Variants in PARD3B observed in about 807,000 individuals in gnomAD.
The protein encoded by PARD3B is par-3 family cell polarity regulator beta.
PARD3B carries 103 observed loss-of-function variants against 130.2 expected under a neutral mutation model. That is an observed-to-expected ratio of 0.79 (90% CI 0.67 to 0.93). The LOEUF (loss-of-function observed/expected upper bound fraction) is 0.93. Ranked by LOEUF, PARD3B falls within the 40% of genes least tolerant of loss-of-function variation. PARD3B has a pLI of 0.00. For synonymous variants in PARD3B, 583 were observed against 553.2 expected (o/e 1.05, Z -0.76); for missense variants, 1,609 against 1,499.2 (o/e 1.07, Z -1.21).
chr2:204,627,340 A>G (rs973163324), intron 1 of PARD3B, among the ~76,000 whole-genome samples: 3 of 152,208 alleles, frequency 2.0e-5, no homozygotes, highest in African/African-American at 2.4e-5. Context: ...TGTTTGGCAT[A>G]CAAGTCAGTT....
chr2:205,179,190 AAT>A (rs1347896651), intron 13 of PARD3B, among the ~76,000 whole-genome samples: 10 of 151,974 alleles, frequency 6.6e-5, no homozygotes, highest in Non-Finnish European at 7.3e-5. Context: ...ATAAAGAAAA[AAT>A]ATGTTTCTAC....
chr2:205,155,892 T>C (rs1011019584), intron 10 of PARD3B, among the ~76,000 whole-genome samples: 2 of 152,152 alleles, frequency 1.3e-5, no homozygotes, highest in Non-Finnish European at 2.9e-5. Context: ...TTTGATGGGG[T>C]TGTTTGTTTT....
In PARD3B at chr2:205,265,565, T is replaced by G. The variant is rs758137612; in HGVS notation, c.2185+19743T>G. On this transcript the variant is annotated intron_variant, in intron 16 of 22. Coordinates refer to ENST00000406610, the MANE Select transcript of PARD3B (RefSeq NM_001302769.2). The surrounding 1 kb of genome is among the most constrained non-coding windows in gnomAD (Gnocchi z 4.3). ...GAAAAAGTAGAAATTGCTGCTGATA[T>G]ACCGAGACTTCACCGAAGAGATGTT... 2.6e-5 allele frequency among the ~76,000 whole-genome samples: 4 copies of G among 152,050 alleles called. No individual in the cohort carries two copies. Among genetic ancestry groups the G allele is most frequent in the Non-Finnish European group, 4.4e-5 (3 of 67,938 alleles).
At chr2:205,496,292 A>G (rs189974722) in intron 20 of PARD3B, among the ~76,000 whole-genome samples, 2 of 152,280 alleles carry the variant, frequency 1.3e-5, no homozygotes, top group Admixed American at 1.3e-4. Context: ...TGCTGAGAAG[A>G]GCTACAAATC....
At chr2:205,415,784 G>T (rs1204320683) in intron 19 of PARD3B, among the ~76,000 whole-genome samples, 2 of 151,972 alleles carry the variant, frequency 1.3e-5, no homozygotes, top group Non-Finnish European at 2.9e-5. Context: ...AACCAACATG[G>T]GAATTTAAGT....
chr2:204,792,648 C>A (rs2042237492), intron 2 of PARD3B, among the ~76,000 whole-genome samples: 1 of 152,056 alleles, frequency 6.6e-6, no homozygotes, highest in African/African-American at 2.4e-5. Flanking sequence ...TTCAACACTA[C>A]CACCAACACC....
chr2:205,014,910 C>A lies in PARD3B; in HGVS notation c.395-32671C>A, dbSNP rs866822882. On this transcript the variant is annotated intron_variant, in intron 3 of 22. Transcript: ENST00000406610. Reference sequence around the variant, plus strand: ...TGTCATAGGCCTGTACTGTAGGCTGCAAAGATCAACTTCTCCATGTCTCAT... The same window carrying A: ...TGTCATAGGCCTGTACTGTAGGCTGAAAAGATCAACTTCTCCATGTCTCAT... Among the ~76,000 whole-genome samples the A allele has an allele frequency of 2.6e-5, 4 of 152,276 alleles. No homozygotes were observed. In the Middle Eastern group the frequency reaches 0.014, roughly 518 times the overall value.
chr2:204,930,840 A>C (rs1687975887), intron 2 of PARD3B, among the ~76,000 whole-genome samples: 1 of 152,066 alleles, frequency 6.6e-6, no homozygotes, highest in Non-Finnish European at 1.5e-5. Context: ...CCTCTCTTAG[A>C]TCAATAGCTT....
rs192971655 is a variant in PARD3B at position 204,773,448 on chromosome 2, A to G, written c.222+87166A>G. 2.7e-4 allele frequency among the ~76,000 whole-genome samples: 41 copies of G among 152,256 alleles called. 1 individual carries two copies. In the East Asian group the frequency reaches 3.9e-3, roughly 14 times the overall value. On this transcript the variant is annotated intron_variant, in intron 2 of 22. Transcript: ENST00000406610. ...ACACATGTTGTTTTATATAAATCATACAAAATACAATCATTTTCCATTTGT... is the reference window on the plus strand; with the variant it reads ...ACACATGTTGTTTTATATAAATCATGCAAAATACAATCATTTTCCATTTGT...
intron 18 of PARD3B, among the ~76,000 whole-genome samples, chr2:205,372,777 C>T (rs971674388): frequency 2.0e-5 from 3 of 152,052 alleles, no homozygotes; most frequent in African/African-American, 4.8e-5. Context: ...TCCAGTAGTT[C>T]GAGAGCAGCC....
At chr2:204,621,844 G>T (rs1160338278) in intron 1 of PARD3B, among the ~76,000 whole-genome samples, 2 of 152,164 alleles carry the variant, frequency 1.3e-5, no homozygotes, top group Non-Finnish European at 2.9e-5. Context: ...AGATCTTGTG[G>T]TGTTAAGGTG....
intron 2 of PARD3B, among the ~76,000 whole-genome samples, chr2:204,934,991 A>T (rs977103596): frequency 8.5e-5 from 13 of 152,178 alleles, no homozygotes; most frequent in African/African-American, 3.1e-4. Context: ...AGATCTTATT[A>T]TTTCTGCCCT....
At chr2:204,982,374 A>G (rs540563527) in intron 3 of PARD3B, among the ~76,000 whole-genome samples, 6 of 152,296 alleles carry the variant, frequency 3.9e-5, no homozygotes, top group Admixed American at 1.3e-4. Flanking sequence ...CAGACGACCA[A>G]GTTCTGTGGA....
rs1008618264 is a variant in PARD3B, at chr2:205,183,334, G to A, written c.1925-2430G>A. 3.9e-5 allele frequency among the ~76,000 whole-genome samples: 6 copies of A among 152,192 alleles called. No individual in the cohort carries two copies. Among genetic ancestry groups the A allele is most frequent in the Admixed American group, 2.0e-4 (3 of 15,280 alleles). ...CAACAAGTTACATGATCACAAATAC[G>A]TTCACCATCACTGTGGAAGATGGAC... On this transcript the variant is annotated intron_variant, in intron 13 of 22. Coordinates refer to ENST00000406610, the MANE Select transcript of PARD3B (RefSeq NM_001302769.2). The surrounding 1 kb of genome is among the most constrained non-coding windows in gnomAD (Gnocchi z 5.2).
intron 18 of PARD3B, among the ~76,000 whole-genome samples, chr2:205,381,857 T>C (rs948097129): frequency 6.6e-6 from 1 of 152,018 alleles, no homozygotes; most frequent in East Asian, 1.9e-4. Flanking sequence ...GAGGGATGCA[T>C]CAAGCAGAAC....
chr2:205,102,971 G>A (rs1702891396), intron 4 of PARD3B, among the ~76,000 whole-genome samples: 1 of 152,026 alleles, frequency 6.6e-6, no homozygotes. Flanking sequence ...GGGAGGCTGA[G>A]CCAGGAGAAT....
intron 2 of PARD3B, among the ~76,000 whole-genome samples, chr2:204,881,666 A>G (rs1292525616): frequency 6.6e-6 from 1 of 152,184 alleles, no homozygotes; most frequent in Non-Finnish European, 1.5e-5. Context: ...TTTGAAAGGC[A>G]AATTTCTGAT....
chr2:204,948,780 G>A (rs1383246855), intron 2 of PARD3B, among the ~76,000 whole-genome samples: 1 of 152,142 alleles, frequency 6.6e-6, no homozygotes, highest in Non-Finnish European at 1.5e-5. Flanking sequence ...TTCTTTTGGT[G>A]ATTCACTATA....
rs190789577 is a variant in PARD3B at position 204,825,747 on chromosome 2, A to G, written c.223-139405A>G. Reference sequence around the variant, plus strand: ...TCCACTGAAGTTACAGTGAGCTTCAATGGAGCGAGTTCTTGAAAAAGGCCC... The same window carrying G: ...TCCACTGAAGTTACAGTGAGCTTCAGTGGAGCGAGTTCTTGAAAAAGGCCC... On this transcript the variant is annotated intron_variant, in intron 2 of 22. Transcript: ENST00000406610. Among the ~76,000 whole-genome samples, 313 of 152,318 alleles carry G rather than the reference A, an allele frequency of 2.1e-3. 1 individual carries two copies. Among genetic ancestry groups the G allele is most frequent in the African/African-American group, 7.0e-3 (290 of 41,570 alleles).
Sources: allele counts gnomAD v4.1 joint callset (sites outside exome capture counted in the v4.1 genomes callset), GRCh38; gene constraint gnomAD v4.1.1; non-coding constraint Gnocchi (gnomAD v3.1); transcripts MANE v1.5; gene names NCBI Gene and HGNC (gene_info 2026-07-23, HGNC 2026-07-21).